The following CPSF4L variants were observed in gnomAD, a reference collection of about 807,000 sequenced individuals.
CPSF4L encodes putative cleavage and polyadenylation specificity factor subunit 4-like protein.
CPSF4L carries 18 observed loss-of-function variants against 24.0 expected under a neutral mutation model. The observed-to-expected ratio is 0.75, with a 90% CI of 0.52 to 1.11. CPSF4L has a LOEUF of 1.11. Ranked by LOEUF, CPSF4L falls within the 50% of genes least tolerant of loss-of-function variation. The pLI, the probability that CPSF4L is intolerant of heterozygous loss-of-function variation, is 0.00. For synonymous variants in CPSF4L, 72 were observed against 77.2 expected (o/e 0.93, Z 0.35); for missense variants, 211 against 221.8 (o/e 0.95, Z 0.31).
intron 2 of CPSF4L, among the ~76,000 whole-genome samples, chr17:73,259,843 A>G (rs1039948646): frequency 1.3e-5 from 2 of 152,142 alleles, no homozygotes; most frequent in Admixed American, 1.3e-4. Context: ...CATGTCCTAA[A>G]CTCTCACACC....
intron 3 of CPSF4L, among the ~76,000 whole-genome samples, chr17:73,254,796 A>G (rs886756318): frequency 5.9e-5 from 9 of 152,186 alleles, no homozygotes; most frequent in African/African-American, 1.9e-4. Context: ...GGCATGTGCC[A>G]CCACGCATGG....
chr17:73,252,666 C>G lies in CPSF4L; in HGVS notation c.461G>C (p.Gly154Ala). The change falls in exon 5 of 6, where the codon GGC becomes GCC. Residue 154 changes from glycine to alanine, a missense_variant. Coordinates refer to ENST00000344935, the MANE Select transcript of CPSF4L (RefSeq NM_001129885.1). ...PRIMCLNYLV[G>A]FCPEGPKCQF... Reference sequence around the variant, plus strand: ...GCACTTGGGTCCCTCGGGGCAGAAGCCAACTAAATAGTTGAGACACATTAT... The same window carrying G: ...GCACTTGGGTCCCTCGGGGCAGAAGGCAACTAAATAGTTGAGACACATTAT... 1.3e-6 allele frequency: 2 copies of G among 1,551,462 alleles called. No homozygotes were observed. Among genetic ancestry groups the G allele is most frequent in the Non-Finnish European group, 1.7e-6 (2 of 1,146,858 alleles).
chr17:73,242,190 G>A, the CPSF4L span: 1 of 1,216,048 alleles, frequency 8.2e-7, no homozygotes, highest in Non-Finnish European at 1.2e-6. Context: ...TGGATGTTAG[G>A]GAAGGGGGTA....
intron 5 of CPSF4L, among the ~76,000 whole-genome samples, chr17:73,251,793 G>A (rs2062006917): frequency 6.6e-6 from 1 of 152,226 alleles, no homozygotes; most frequent in Non-Finnish European, 1.5e-5. Context: ...TGACATAGGT[G>A]CTCATCAACA....
upstream of CPSF4L, chr17:73,262,476 C>T (rs1418946501): frequency 6.6e-6 from 1 of 152,318 alleles, no homozygotes; most frequent in African/African-American, 2.4e-5. Context: ...CACACAATCG[C>T]CAGCTTGGCG....
At chr17:73,249,587 T>C (rs2145271910) in intron 5 of CPSF4L, among the ~76,000 whole-genome samples, 1 of 152,248 alleles carries the variant, frequency 6.6e-6, no homozygotes, top group South Asian at 2.1e-4. Context: ...GGGCCAGTTC[T>C]TCCTCACACA....
At chr17:73,242,297 G>A in the CPSF4L span, 21 of 1,606,362 alleles carry the variant, frequency 1.3e-5, no homozygotes, top group Middle Eastern at 1.7e-4. Flanking sequence ...ACCCCCTGCC[G>A]GACTTACAAC....
downstream of CPSF4L, chr17:73,247,504 A>G (rs1458005256): frequency 3.2e-6 from 2 of 619,074 alleles, no homozygotes; most frequent in Non-Finnish European, 5.7e-6. Context: ...ACTGCTATAA[A>G]TAAAGTAGTA....
At chr17:73,251,026 A>T in intron 5 of CPSF4L, 1 of 1,549,546 alleles carries the variant, frequency 6.5e-7, no homozygotes. Flanking sequence ...GAGAGCAGGC[A>T]CTCTGTTGGG....
At chr17:73,257,296 C>G (rs986158352) in intron 3 of CPSF4L, among the ~76,000 whole-genome samples, 2 of 152,128 alleles carry the variant, frequency 1.3e-5, no homozygotes, top group African/African-American at 4.8e-5. Flanking sequence ...GAGGGTACAG[C>G]AGGCATCGTG....
chr17:73,260,158 G>C (rs1405988856), intron 2 of CPSF4L, among the ~76,000 whole-genome samples: 1 of 152,090 alleles, frequency 6.6e-6, no homozygotes, highest in Admixed American at 6.6e-5. Context: ...ATAGGGAATG[G>C]ATGAGACAAT....
At chr17:73,250,288 T>G (rs1177770973) in intron 5 of CPSF4L, 1 of 1,550,682 alleles carries the variant, frequency 6.4e-7, no homozygotes, top group Admixed American at 2.0e-5. Flanking sequence ...ACTGGCATAA[T>G]GGCCTGGTCT....
chr17:73,242,948 G>A, the CPSF4L span: 4 of 1,613,542 alleles, frequency 2.5e-6, no homozygotes, highest in Non-Finnish European at 3.4e-6. Context: ...GTGGCATCAC[G>A]ATGCTCTTCA....
At chr17:73,256,634 C>G (rs897100198) in intron 3 of CPSF4L, among the ~76,000 whole-genome samples, 1 of 152,220 alleles carries the variant, frequency 6.6e-6, no homozygotes, top group African/African-American at 2.4e-5. Flanking sequence ...GCTGTAGAAT[C>G]GTATTGTGAA....
At chr17:73,261,977 T>G, upstream of CPSF4L, 1 of 621,472 alleles carries the variant, frequency 1.6e-6, no homozygotes. Context: ...CAGCCTGGGC[T>G]GTACAGGAGC....
At chr17:73,251,801 A>G (rs1050345474) in intron 5 of CPSF4L, among the ~76,000 whole-genome samples, 3 of 152,246 alleles carry the variant, frequency 2.0e-5, no homozygotes, top group African/African-American at 7.2e-5. Flanking sequence ...GTGCTCATCA[A>G]CACTTGGGTC....
chr17:73,245,675 C>A (rs910360853), downstream of CPSF4L: 2 of 985,256 alleles, frequency 2.0e-6, no homozygotes, highest in Non-Finnish European at 2.4e-6. Flanking sequence ...TTGACCAGAT[C>A]TTGATAAGGT....
chr17:73,243,394 TCCGCCCA>T, the CPSF4L span, among the ~76,000 whole-genome samples: 49 of 152,206 alleles, frequency 3.2e-4, no homozygotes, highest in Admixed American at 1.5e-3. Flanking sequence ...CCTCAGGTGA[TCCGCCCA>T]CCTCAGCCTC....
intron 2 of CPSF4L, among the ~76,000 whole-genome samples, chr17:73,258,905 C>T (rs1056031395): frequency 2.0e-5 from 3 of 152,198 alleles, no homozygotes; most frequent in Non-Finnish European, 2.9e-5. Context: ...AGAGACCTAA[C>T]AGGGTGACAG....
Sources: allele counts gnomAD v4.1 joint callset (sites outside exome capture counted in the v4.1 genomes callset), GRCh38; gene constraint gnomAD v4.1.1; transcripts MANE v1.5; gene names NCBI Gene and HGNC (gene_info 2026-07-23, HGNC 2026-07-21).